SNX29: variants seen among roughly 807,000 people sequenced by gnomAD.
The protein encoded by SNX29 is sorting nexin-29.
A neutral mutation model predicts 102.1 loss-of-function variants in SNX29; 78 were observed. The observed-to-expected ratio is 0.76, with a 90% CI of 0.64 to 0.92. SNX29 has a LOEUF of 0.92. Ranked by LOEUF, SNX29 falls within the 40% of genes least tolerant of loss-of-function variation. The pLI is 0.00. For missense variants in SNX29, 1,280 were observed against 1,061.7 expected (o/e 1.21, Z -2.86); for synonymous variants, 580 against 414.5 (o/e 1.40, Z -4.85).
At chr16:12,229,820 G>C (rs11859418) in intron 14 of SNX29, among the ~76,000 whole-genome samples, 253 of 152,256 alleles carry the variant, frequency 1.7e-3, no homozygotes, top group African/African-American at 4.5e-3. Flanking sequence ...AACTGTGCTT[G>C]GACCTAGATC....
Position 12,048,603 on chromosome 16 carries a change from C to T in SNX29, c.731C>T (p.Ser244Phe). The change falls in exon 7 of 21, where the codon TCC becomes TTC. Residue 244 changes from serine to phenylalanine, a missense_variant. Physicochemically the swap from Ser to Phe is radical, Grantham distance 155 (BLOSUM62 -2). Transcript: ENST00000566228. ...GAGACCGACCCCTTGCCTGTCGTGT[C>T]CAGGAATGTCAGTGCTGGTGAGTGG... is the stretch of plus-strand genomic sequence containing the variant. ...EQETDPLPVV[S>F]RNVSADAKCK... 1 of 1,613,908 alleles carries T rather than the reference C, an allele frequency of 6.2e-7. No individual in the cohort carries two copies. The highest frequency in any genetic ancestry group is 8.5e-7 in the Non-Finnish European group (1 of 1,179,870).
chr16:12,511,802 G>A (rs964748568), intron 19 of SNX29, among the ~76,000 whole-genome samples: 3 of 151,968 alleles, frequency 2.0e-5, no homozygotes, highest in Non-Finnish European at 2.9e-5. Flanking sequence ...GTAAGATCTC[G>A]AAAGCAATGG....
At chr16:12,468,492 A>G (rs1190515368) in intron 18 of SNX29, among the ~76,000 whole-genome samples, 1 of 152,140 alleles carries the variant, frequency 6.6e-6, no homozygotes, top group South Asian at 2.1e-4. Flanking sequence ...TTGCAGATCA[A>G]ACATCAAAGC....
In SNX29 at chr16:12,568,787, A is replaced by T. The variant is rs951597041; in HGVS notation, c.*158A>T. The T allele has an allele frequency of 5.1e-6, 6 of 1,186,528 alleles. No homozygotes were observed. Among genetic ancestry groups the T allele is most frequent in the South Asian group, 3.1e-5 (2 of 63,640 alleles). 73.5% of individuals were successfully genotyped at this position (1,186,528 alleles called of 1,614,324 possible). On this transcript the variant is annotated 3_prime_UTR_variant, in exon 21 of 21. Transcript: ENST00000566228. ...AGTTACACAACACCCCGATTAAACT[A>T]ATCAGTCTTCGAGCCGCATGATACC...
chr16:12,557,108 G>C (rs766714222), intron 20 of SNX29, among the ~76,000 whole-genome samples: 6 of 149,250 alleles, frequency 4.0e-5, no homozygotes, highest in Non-Finnish European at 5.9e-5. Flanking sequence ...CTCAACCTCC[G>C]AAAGTGCTGA....
intron 13 of SNX29, among the ~76,000 whole-genome samples, chr16:12,138,873 T>G (rs1217367437): frequency 6.6e-6 from 1 of 151,994 alleles, no homozygotes; most frequent in Non-Finnish European, 1.5e-5. Flanking sequence ...CAAGAGAGTT[T>G]GAGTGGGGCT....
Position 12,570,157 on chromosome 16 carries a change from C to A in SNX29, c.*1528C>A. 12 of 1,063,992 alleles carry A rather than the reference C, an allele frequency of 1.1e-5. No homozygotes were observed. The highest frequency in any genetic ancestry group is 1.4e-5 in the Non-Finnish European group (12 of 878,242). 65.9% of individuals were successfully genotyped at this position (1,063,992 alleles called of 1,614,324 possible). On this transcript the variant is annotated 3_prime_UTR_variant, in exon 21 of 21. Transcript: ENST00000566228. The stretch of plus-strand genomic sequence containing the variant: ...GAAGGCTGAGATCACTCACACACAG[C>A]GCCCCCCCACCCCAGAGAAACCGAG...
At chr16:12,337,459 A>C (rs927358751) in intron 15 of SNX29, among the ~76,000 whole-genome samples, 3 of 151,820 alleles carry the variant, frequency 2.0e-5, no homozygotes, top group Non-Finnish European at 4.4e-5. Context: ...CTCCCACCTC[A>C]GCTTCCCCAG....
intron 13 of SNX29, among the ~76,000 whole-genome samples, chr16:12,161,922 T>C (rs1315174223): frequency 6.6e-6 from 1 of 152,174 alleles, no homozygotes; most frequent in Non-Finnish European, 1.5e-5. Context: ...TCCATATAAA[T>C]TACCCAGCCT....
chr16:12,274,651 C>G (rs1395933859), intron 14 of SNX29, among the ~76,000 whole-genome samples: 1 of 152,094 alleles, frequency 6.6e-6, no homozygotes, highest in Admixed American at 6.5e-5. Flanking sequence ...ATCCTTCCAC[C>G]TCAGCCTCCC....
chr16:12,472,765 C>G (rs920967822), intron 18 of SNX29, among the ~76,000 whole-genome samples: 14 of 151,826 alleles, frequency 9.2e-5, no homozygotes, highest in Non-Finnish European at 1.9e-4. Context: ...ATTTTTTTCT[C>G]CCCTTAACCT....
At chr16:12,266,400 G>A (rs1044520256) in intron 14 of SNX29, among the ~76,000 whole-genome samples, 1 of 152,090 alleles carries the variant, frequency 6.6e-6, no homozygotes, top group African/African-American at 2.4e-5. Context: ...TGCCCCTATT[G>A]CGGATTTCAG....
intron 16 of SNX29, among the ~76,000 whole-genome samples, chr16:12,386,981 T>G (rs1372890615): frequency 9.9e-5 from 15 of 151,994 alleles, no homozygotes; most frequent in Admixed American, 9.8e-4. Flanking sequence ...AAAAATTAGC[T>G]GGGCATGGTG....
intron 20 of SNX29, among the ~76,000 whole-genome samples, chr16:12,544,525 G>T (rs1472972674): frequency 6.6e-6 from 1 of 152,198 alleles, no homozygotes; most frequent in African/African-American, 2.4e-5. Flanking sequence ...GTGGGGAATT[G>T]TGTGGCCTAG....
At chr16:12,295,591 G>C (rs1432957375) in intron 15 of SNX29, among the ~76,000 whole-genome samples, 1 of 152,160 alleles carries the variant, frequency 6.6e-6, no homozygotes, top group African/African-American at 2.4e-5. Context: ...GTGACTCACA[G>C]GTTCCATTTT....
intron 14 of SNX29, among the ~76,000 whole-genome samples, chr16:12,227,941 C>T (rs141141056): frequency 1.4e-5 from 2 of 138,584 alleles, no homozygotes; most frequent in African/African-American, 2.6e-5. Flanking sequence ...GAAGTGAGGT[C>T]TCTGGACCAG....
At chr16:12,086,585 T>C (rs1350692357) in intron 11 of SNX29, among the ~76,000 whole-genome samples, 1 of 152,078 alleles carries the variant, frequency 6.6e-6, no homozygotes, top group South Asian at 2.1e-4. Flanking sequence ...TGTGTTTTAA[T>C]GCTTATTTTG....
intron 20 of SNX29, among the ~76,000 whole-genome samples, chr16:12,566,170 C>T (rs563038258): frequency 2.6e-5 from 4 of 152,330 alleles, no homozygotes; most frequent in African/African-American, 4.8e-5. Flanking sequence ...TAGTTGGTGG[C>T]TTTAGGTAGC....
chr16:12,343,210 G>T (rs1280088625), intron 15 of SNX29, among the ~76,000 whole-genome samples: 2 of 152,210 alleles, frequency 1.3e-5, no homozygotes, highest in Non-Finnish European at 2.9e-5. Flanking sequence ...CATAATTTCA[G>T]AATTCACATC....
Sources: allele counts gnomAD v4.1 joint callset (sites outside exome capture counted in the v4.1 genomes callset), GRCh38; gene constraint gnomAD v4.1.1; transcripts MANE v1.5; gene names NCBI Gene and HGNC (gene_info 2026-07-23, HGNC 2026-07-21).